Variants in ROPN1B observed in about 807,000 individuals in gnomAD.
ROPN1B encodes ropporin-1B.
A neutral mutation model predicts 23.7 loss-of-function variants in ROPN1B; 13 were observed. That is an observed-to-expected ratio of 0.55 (90% confidence interval 0.36 to 0.87). The LOEUF is 0.87. Ranked by LOEUF, ROPN1B falls within the 40% of genes least tolerant of loss-of-function variation. ROPN1B has a pLI of 0.01. For missense variants in ROPN1B, 183 were observed against 249.2 expected, an observed-to-expected ratio of 0.73 and a Z score of 1.79; for synonymous variants, 67 against 100.4, an observed-to-expected ratio of 0.67 and a Z score of 1.99.
intron 5 of ROPN1B, among the ~76,000 whole-genome samples, chr3:125,980,038 A>T (rs1177634644): frequency 6.6e-6 from 1 of 152,218 alleles, no homozygotes; most frequent in South Asian, 2.1e-4. Context: ...GGAAAGAATG[A>T]CTTTTTTTTA....
intron 2 of ROPN1B, among the ~76,000 whole-genome samples, 170 bp downstream of exon 2, chr3:125,971,332 C>T (rs1276311146): frequency 6.6e-6 from 1 of 152,126 alleles, no homozygotes; most frequent in African/African-American, 2.4e-5. Flanking sequence ...AGCTTTTTAG[C>T]ATATCTAGTC....
chr3:125,974,103 C>A (rs1175330630), intron 3 of ROPN1B, among the ~76,000 whole-genome samples: 15 of 152,184 alleles, frequency 9.9e-5, no homozygotes, highest in Admixed American at 7.2e-4. Context: ...CACAAGAAGT[C>A]CAGAGATGTT....
At chr3:125,972,289 T>C (rs1023215993) in intron 3 of ROPN1B, 119 bp downstream of exon 3, 5 of 864,368 alleles carry the variant, frequency 5.8e-6, no homozygotes, top group Non-Finnish European at 9.2e-6. Context: ...GCATCGTCTT[T>C]GTTTTAGCTC....
chr3:125,973,434 C>T (rs1938289036), intron 3 of ROPN1B: 1 of 172,866 alleles, frequency 5.8e-6, no homozygotes, highest in African/African-American at 2.4e-5. Flanking sequence ...GTTTTCCATT[C>T]TAAATTTTAT....
intron 3 of ROPN1B, among the ~76,000 whole-genome samples, chr3:125,975,102 T>G (rs1253104655): frequency 6.6e-6 from 1 of 152,148 alleles, no homozygotes; most frequent in Non-Finnish European, 1.5e-5. Flanking sequence ...GCTCAGGCTC[T>G]GCAGTTGCCA....
chr3:125,981,505 T>A (rs1299580538), intron 5 of ROPN1B, among the ~76,000 whole-genome samples: 7 of 152,200 alleles, frequency 4.6e-5, no homozygotes, highest in Admixed American at 3.3e-4. Flanking sequence ...ATGCTGAGCT[T>A]CATTTCACAA....
At chr3:125,980,541 T>C (rs1041867393) in intron 5 of ROPN1B, among the ~76,000 whole-genome samples, 3 of 152,196 alleles carry the variant, frequency 2.0e-5, no homozygotes, top group South Asian at 2.1e-4. Flanking sequence ...TCTCTCTATG[T>C]CCTAACTCCT....
chr3:125,975,277 A>G (rs990847348), intron 3 of ROPN1B, among the ~76,000 whole-genome samples: 3 of 152,218 alleles, frequency 2.0e-5, no homozygotes, highest in African/African-American at 7.2e-5. Context: ...CCTGAACCCA[A>G]TATGCTCCAG....
chr3:125,978,331 T>A (rs1272623077), intron 5 of ROPN1B, among the ~76,000 whole-genome samples: 1 of 152,144 alleles, frequency 6.6e-6, no homozygotes, highest in African/African-American at 2.4e-5. Flanking sequence ...TTTGGAGACG[T>A]TTTGGGGGAA....
chr3:125,981,979 G>T (rs1366007228), intron 5 of ROPN1B, among the ~76,000 whole-genome samples: 1 of 152,074 alleles, frequency 6.6e-6, no homozygotes, highest in East Asian at 1.9e-4. Context: ...CCTTTAGTGA[G>T]GGTATTCAGA....
chr3:125,980,793 G>A (rs1235577819), intron 5 of ROPN1B, among the ~76,000 whole-genome samples: 1 of 152,024 alleles, frequency 6.6e-6, no homozygotes, highest in Non-Finnish European at 1.5e-5. Flanking sequence ...AGCTGTGGGT[G>A]GAAATTATAA....
rs529375281 is a variant in ROPN1B at position 125,983,446 on chromosome 3, G to A, written c.*126G>A. ...TACACACTAATAAACAAACATGTGAGATCAGAAATGTGCGGAATTAAGATG... is the reference window on the plus strand; with the variant it reads ...TACACACTAATAAACAAACATGTGAAATCAGAAATGTGCGGAATTAAGATG... On this transcript the variant is annotated 3_prime_UTR_variant, in exon 7 of 7. Transcript: ENST00000514116. 162 of 679,250 alleles carry A rather than the reference G, an allele frequency of 2.4e-4. 2 individuals are homozygous for A. The South Asian group carries it at 2.8e-3, about 12-fold the overall frequency. The allele number at this position is 679,250 out of a possible 1,614,324, so 42.1% of individuals were successfully genotyped here.
intron 3 of ROPN1B, among the ~76,000 whole-genome samples, chr3:125,975,228 C>CTG (rs924636473): frequency 6.6e-6 from 1 of 152,164 alleles, no homozygotes; most frequent in African/African-American, 2.4e-5. Context: ...TAACATATAT[C>CTG]TGTGTGTATA....
At chr3:125,974,008 AC>A (rs1222476875) in intron 3 of ROPN1B, among the ~76,000 whole-genome samples, 2 of 152,220 alleles carry the variant, frequency 1.3e-5, no homozygotes, top group Non-Finnish European at 2.9e-5. Flanking sequence ...ATAACCATGG[AC>A]CTGATCACTT....
intron 6 of ROPN1B, 146 bp from the exon 7 acceptor site, chr3:125,983,108 C>T: frequency 1.6e-6 from 1 of 632,050 alleles, no homozygotes. Flanking sequence ...GCCTGGACGA[C>T]AGAGCCAGAC....
At chr3:125,979,775 G>GA (rs925342672) in intron 5 of ROPN1B, among the ~76,000 whole-genome samples, 30 of 152,202 alleles carry the variant, frequency 2.0e-4, no homozygotes, top group African/African-American at 6.3e-4. Flanking sequence ...GTGTCATCTA[G>GA]AAAAGCCAGT....
intron 2 of ROPN1B, 136 bp downstream of exon 2, chr3:125,971,298 C>T (rs1938194347): frequency 2.6e-5 from 4 of 152,206 alleles, no homozygotes; most frequent in Admixed American, 2.0e-4. Flanking sequence ...ATTTGTCTGG[C>T]CTCTAGGTGT....
intron 5 of ROPN1B, among the ~76,000 whole-genome samples, chr3:125,979,594 T>C (rs1938540588): frequency 6.6e-6 from 1 of 152,192 alleles, no homozygotes; most frequent in Admixed American, 6.5e-5. Flanking sequence ...CTGTGAGCAA[T>C]AAATTTCTGT....
At chr3:125,972,371 C>T (rs1389925789) in intron 3 of ROPN1B, 8 of 606,922 alleles carry the variant, frequency 1.3e-5, no homozygotes, top group Non-Finnish European at 2.3e-5. Context: ...GGATGCCTCC[C>T]CTAAGCGAGC....
Sources: allele counts gnomAD v4.1 joint callset (sites outside exome capture counted in the v4.1 genomes callset), GRCh38; gene constraint gnomAD v4.1.1; transcripts MANE v1.5; gene names NCBI Gene and HGNC (gene_info 2026-07-23, HGNC 2026-07-21).